The following PCSK5 variants were observed in gnomAD, a reference collection of about 807,000 sequenced individuals.
PCSK5 encodes prohormone convertase 5.
In PCSK5, 129 loss-of-function variants were observed where a neutral mutation model predicts 233.2. The ratio of observed to expected loss-of-function variants is 0.55; its 90% CI spans 0.48 to 0.64. The LOEUF (loss-of-function observed/expected upper bound fraction) is 0.64. Ranked by LOEUF, PCSK5 falls within the 30% of genes least tolerant of loss-of-function variation. PCSK5 has a pLI of 0.00. For missense variants in PCSK5, 2,076 were observed against 2,430.1 expected, an observed-to-expected ratio of 0.85 and a Z score of 3.06; for synonymous variants, 825 against 879.2, an observed-to-expected ratio of 0.94 and a Z score of 1.09.
intron 24 of PCSK5, among the ~76,000 whole-genome samples, chr9:76,260,668 C>A (rs1395583556): frequency 6.6e-6 from 1 of 152,180 alleles, no homozygotes; most frequent in Non-Finnish European, 1.5e-5. Context: ...GGAAACAGAT[C>A]CTTTCCCAGA....
chr9:76,185,247 A>G (rs1018988393), intron 17 of PCSK5, among the ~76,000 whole-genome samples: 4 of 152,284 alleles, frequency 2.6e-5, no homozygotes, highest in African/African-American at 9.6e-5. Flanking sequence ...ATTTAACACC[A>G]GGAGATGTTT....
chr9:76,021,044 ATT>A (rs935404574), intron 3 of PCSK5, among the ~76,000 whole-genome samples: 2 of 152,134 alleles, frequency 1.3e-5, no homozygotes, highest in African/African-American at 4.8e-5. Flanking sequence ...AATCTACACT[ATT>A]TTTTTAATCA....
At chr9:76,045,154 G>A (rs776193275) in intron 5 of PCSK5, among the ~76,000 whole-genome samples, 4 of 152,158 alleles carry the variant, frequency 2.6e-5, no homozygotes, top group African/African-American at 9.7e-5. Flanking sequence ...ATAACAATTT[G>A]TCCTTCAGTG....
chr9:76,104,044 A>G (rs1384147509), intron 8 of PCSK5, among the ~76,000 whole-genome samples: 2 of 152,086 alleles, frequency 1.3e-5, no homozygotes, highest in South Asian at 2.1e-4. Context: ...TCCTATATAC[A>G]TGTGTTGTGA....
At chr9:76,267,569 C>T (rs951881779) in intron 24 of PCSK5, among the ~76,000 whole-genome samples, 1 of 152,168 alleles carries the variant, frequency 6.6e-6, no homozygotes, top group East Asian at 1.9e-4. Flanking sequence ...TCACAGGAAT[C>T]TTTTCTTCGT....
chr9:75,988,112 A>G (rs992230792), intron 3 of PCSK5, among the ~76,000 whole-genome samples: 1 of 152,156 alleles, frequency 6.6e-6, no homozygotes, highest in Non-Finnish European at 1.5e-5. Context: ...CTATTATTTC[A>G]TGTCTTTCCA....
At chr9:76,347,170 C>T (rs1163283206) in intron 35 of PCSK5, among the ~76,000 whole-genome samples, 1 of 151,700 alleles carries the variant, frequency 6.6e-6, no homozygotes, top group Non-Finnish European at 1.5e-5. Context: ...GTAACCAAAG[C>T]CTCTTAACTC....
intron 2 of PCSK5, among the ~76,000 whole-genome samples, chr9:75,973,893 G>A (rs1213903360): frequency 2.6e-5 from 4 of 152,110 alleles, no homozygotes; most frequent in Non-Finnish European, 4.4e-5. Context: ...CTGGTGATAG[G>A]TACCTTCCTT....
intron 8 of PCSK5, among the ~76,000 whole-genome samples, chr9:76,097,024 C>T (rs1325292575): frequency 4.6e-5 from 7 of 151,702 alleles, no homozygotes; most frequent in South Asian, 4.2e-4. Context: ...CTCTGCCCCC[C>T]GGGTTCAAGT....
intron 1 of PCSK5, among the ~76,000 whole-genome samples, chr9:75,891,836 ATT>A (rs1825620823): frequency 6.6e-6 from 1 of 151,848 alleles, no homozygotes; most frequent in African/African-American, 2.4e-5. Flanking sequence ...TCGGACCTGA[ATT>A]TAGCCCAGAA....
intron 30 of PCSK5, among the ~76,000 whole-genome samples, chr9:76,317,071 T>A (rs528928229): frequency 6.6e-6 from 1 of 152,212 alleles, no homozygotes; most frequent in South Asian, 2.1e-4. Flanking sequence ...TGAAACTATA[T>A]CAGAAATATG....
chr9:76,220,092 A>G (rs1825675684), intron 20 of PCSK5, among the ~76,000 whole-genome samples: 1 of 152,194 alleles, frequency 6.6e-6, no homozygotes, highest in South Asian at 2.1e-4. Context: ...CCCACTAAAT[A>G]AAGAGACTGT....
chr9:76,090,972 A>AG (rs34449227), intron 7 of PCSK5, among the ~76,000 whole-genome samples: 71,808 of 151,652 alleles, frequency 0.47, 17,293 homozygotes, highest in South Asian at 0.53. Context: ...AGGTCATAAG[A>AG]GGTTCGAGCG....
At chr9:76,127,069 A>C (rs1275878981) in intron 9 of PCSK5, among the ~76,000 whole-genome samples, 1 of 152,012 alleles carries the variant, frequency 6.6e-6, no homozygotes, top group Admixed American at 6.6e-5. Flanking sequence ...TTCAATAAAC[A>C]TCTAGAGAAG....
chr9:75,894,917 AAAG>A (rs1220554940), intron 1 of PCSK5, among the ~76,000 whole-genome samples: 1 of 152,242 alleles, frequency 6.6e-6, no homozygotes, highest in Non-Finnish European at 1.5e-5. Flanking sequence ...GTAAATCTAC[AAAG>A]AAGAATTAAT....
intron 2 of PCSK5, among the ~76,000 whole-genome samples, chr9:75,983,376 G>A (rs1399949528): frequency 2.0e-5 from 3 of 152,102 alleles, no homozygotes; most frequent in Non-Finnish European, 2.9e-5. Flanking sequence ...GTTCAGCTGA[G>A]ATTATGAGGG....
At chr9:75,970,771 A>C (rs1825785629) in intron 2 of PCSK5, among the ~76,000 whole-genome samples, 1 of 151,834 alleles carries the variant, frequency 6.6e-6, no homozygotes, top group Non-Finnish European at 1.5e-5. Context: ...ACCGGCGCAC[A>C]CTGCCACGCC....
At chr9:76,223,240 A>C (rs1825786698) in intron 20 of PCSK5, among the ~76,000 whole-genome samples, 1 of 152,266 alleles carries the variant, frequency 6.6e-6, no homozygotes, top group African/African-American at 2.4e-5. Context: ...CTAGAATTCT[A>C]CAATAAATTT....
At chr9:75,970,440 T>G (rs1457615959) in intron 2 of PCSK5, among the ~76,000 whole-genome samples, 1 of 152,250 alleles carries the variant, frequency 6.6e-6, no homozygotes, top group East Asian at 1.9e-4. Flanking sequence ...TTTCGCCTGT[T>G]TAGGCTTTTA....
Sources: allele counts gnomAD v4.1 joint callset (sites outside exome capture counted in the v4.1 genomes callset), GRCh38; gene constraint gnomAD v4.1.1; transcripts MANE v1.5; gene names NCBI Gene and HGNC (gene_info 2026-07-23, HGNC 2026-07-21).